The following C6orf118 variants were observed in gnomAD, a reference collection of about 807,000 sequenced individuals.
The protein encoded by C6orf118 is uncharacterized protein C6orf118.
In C6orf118, 50 loss-of-function variants were observed where a neutral mutation model predicts 50.2. The ratio of observed to expected loss-of-function variants is 1.00; its 90% CI spans 0.79 to 1.26. The LOEUF (loss-of-function observed/expected upper bound fraction) is 1.26, where lower values mean the gene tolerates loss of function less well. C6orf118 is among the 50% of genes most tolerant of loss of function. C6orf118 has a pLI of 0.00. For missense variants in C6orf118, 641 were observed against 578.7 expected, an observed-to-expected ratio of 1.11 and a Z score of -1.10; for synonymous variants, 239 against 230.9, an observed-to-expected ratio of 1.03 and a Z score of -0.32.
chr6:165,282,225 C>T (rs556581374), intron 7 of C6orf118, among the ~76,000 whole-genome samples: 4 of 152,208 alleles, frequency 2.6e-5, no homozygotes, highest in Non-Finnish European at 5.9e-5. Context: ...AAAGCTGTCA[C>T]TTTCTCCCAA....
At chr6:165,284,850 A>G (rs2128157126) in intron 7 of C6orf118, among the ~76,000 whole-genome samples, 1 of 152,290 alleles carries the variant, frequency 6.6e-6, no homozygotes, top group Non-Finnish European at 1.5e-5. Context: ...AGGAAAAACC[A>G]TTACCAGCCA....
At chr6:165,302,759 C>A (rs1451567428) in intron 1 of C6orf118, among the ~76,000 whole-genome samples, 4 of 152,112 alleles carry the variant, frequency 2.6e-5, no homozygotes, top group African/African-American at 9.7e-5. Flanking sequence ...CCTGACTAAA[C>A]CCCTCAATGA....
chr6:165,304,714 C>T (rs1780661823), intron 1 of C6orf118, among the ~76,000 whole-genome samples: 1 of 87,608 alleles, frequency 1.1e-5, no homozygotes, highest in African/African-American at 6.2e-5. Flanking sequence ...AGTGAACTCC[C>T]ATTCACAACT....
chr6:165,283,152 C>G (rs890414086), intron 7 of C6orf118, among the ~76,000 whole-genome samples: 3 of 152,056 alleles, frequency 2.0e-5, no homozygotes, highest in African/African-American at 7.2e-5. Flanking sequence ...TATCCAGGTT[C>G]TCTCACTGGG....
At position 165,302,185 on chromosome 6, in the gene C6orf118, T is replaced by A; in HGVS notation, c.137A>T (p.Asn46Ile). Reference sequence around the variant, plus strand: ...CTCCCGGTGGTCTTTCTGAAGCCGATTCAGAAGTTTCTTCAGATTACACAG... The same window carrying A: ...CTCCCGGTGGTCTTTCTGAAGCCGAATCAGAAGTTTCTTCAGATTACACAG... The part of the protein sequence containing the change: ...KTLCNLKKLL[N>I]RLQKDHREDV... The change falls in exon 2 of 9, where the codon AAT becomes ATT. Residue 46 changes from asparagine (N) to isoleucine (I), a missense_variant. Transcript: ENST00000230301. The A allele has an allele frequency of 6.2e-7, 1 of 1,612,690 alleles. No homozygotes were observed. The highest frequency in any genetic ancestry group is 8.5e-7 in the Non-Finnish European group (1 of 1,179,930).
At chr6:165,297,825 G>T in intron 5 of C6orf118, 152 bp downstream of exon 5, 1 of 1,153,928 alleles carries the variant, frequency 8.7e-7, no homozygotes, top group Non-Finnish European at 1.3e-6. Flanking sequence ...GTGATGGCCT[G>T]TAGAAATAGC....
chr6:165,287,513 T>A (rs1037118028), intron 7 of C6orf118, among the ~76,000 whole-genome samples: 1 of 152,224 alleles, frequency 6.6e-6, no homozygotes, highest in East Asian at 1.9e-4. Context: ...GGAGGCATCA[T>A]GCTGCCTGAC....
At chr6:165,293,989 G>A (rs1446329870) in intron 5 of C6orf118, among the ~76,000 whole-genome samples, 1 of 152,174 alleles carries the variant, frequency 6.6e-6, no homozygotes, top group East Asian at 1.9e-4. Context: ...GCTCATGCCT[G>A]TAATCTCAGC....
rs1780870118 is a variant in C6orf118, at chr6:165,309,602, A to G, written c.-16T>C. 2.5e-6 allele frequency: 4 copies of G among 1,613,844 alleles called. No individual in the cohort carries two copies. The South Asian group carries it at 4.4e-5, about 18-fold the overall frequency. ...CCTCCGCCATCGCTTCCTTCCCTCC[A>G]GCTGCCTGGGCTGGGCTGTCGCCGT... On this transcript the variant is annotated 5_prime_UTR_variant, in exon 1 of 9. Transcript: ENST00000230301.
Position 165,301,889 on chromosome 6 carries a change from C to A in C6orf118, c.433G>T (p.Asp145Tyr). ...QASLSHTSEE[D>Y]FLPVEAVREG... Reference sequence around the variant, plus strand: ...CTGACAGCCTCCACTGGAAGGAAATCCTCCTCTGAAGTGTGGGAAAGAGAG... The same window carrying A: ...CTGACAGCCTCCACTGGAAGGAAATACTCCTCTGAAGTGTGGGAAAGAGAG... The change falls in exon 2 of 9, where the codon GAT becomes TAT. Residue 145 changes from aspartate (D) to tyrosine (Y), a missense_variant. Coordinates refer to ENST00000230301, the MANE Select transcript of C6orf118 (RefSeq NM_144980.4). The A allele has an allele frequency of 6.2e-7, 1 of 1,613,866 alleles. No individual in the cohort carries two copies. Among genetic ancestry groups the A allele is most frequent in the South Asian group, 1.1e-5 (1 of 91,078 alleles).
intron 6 of C6orf118, 29 bp from the exon 7 acceptor site, chr6:165,290,096 A>G (rs1780057475): frequency 1.4e-6 from 2 of 1,393,618 alleles, no homozygotes; most frequent in African/African-American, 1.4e-5. Context: ...ACAAAGTATT[A>G]CCATGTTTAA....
chr6:165,293,062 A>T (rs570011103), intron 6 of C6orf118: 3 of 222,732 alleles, frequency 1.3e-5, no homozygotes, highest in Admixed American at 1.0e-4. Context: ...TATTTTTATC[A>T]TATAATTGCA....
At position 165,309,554 on chromosome 6, in the gene C6orf118, C is replaced by A; in HGVS notation, c.25+8G>T. ...ACAAGCCAGCAAGAGCCGCTCCAGG[C>A]CACTTACATTCAGGCTCCCGCTCCT... On this transcript the variant is annotated splice_region_variant and intron_variant, in intron 1 of 8. Coordinates refer to ENST00000230301, the MANE Select transcript of C6orf118 (RefSeq NM_144980.4). 1 of 1,614,188 alleles carries A rather than the reference C, an allele frequency of 6.2e-7. No homozygotes were observed. The highest frequency in any genetic ancestry group is 8.5e-7 in the Non-Finnish European group (1 of 1,180,018).
intron 5 of C6orf118, among the ~76,000 whole-genome samples, 182 bp downstream of exon 5, chr6:165,297,795 A>G (rs1032732967): frequency 6.6e-6 from 1 of 152,216 alleles, no homozygotes; most frequent in African/African-American, 2.4e-5. Flanking sequence ...CATACTTAGC[A>G]GAATGTCTTA....
chr6:165,303,119 C>G (rs1169434429), intron 1 of C6orf118, among the ~76,000 whole-genome samples: 2 of 152,286 alleles, frequency 1.3e-5, no homozygotes, highest in African/African-American at 4.8e-5. Flanking sequence ...GCAGCAGGCC[C>G]ATCCATACCC....
At chr6:165,283,267 G>A (rs1779792702) in intron 7 of C6orf118, among the ~76,000 whole-genome samples, 1 of 152,146 alleles carries the variant, frequency 6.6e-6, no homozygotes, top group African/African-American at 2.4e-5. Flanking sequence ...AGCCAAGGGA[G>A]GCAGTGAGTG....
chr6:165,305,768 T>C (rs1167025095), intron 1 of C6orf118, among the ~76,000 whole-genome samples: 1 of 118,964 alleles, frequency 8.4e-6, no homozygotes, highest in Admixed American at 8.0e-5. Flanking sequence ...TCAAAACCAC[T>C]ATGAGATATC....
Position 165,281,678 on chromosome 6 carries a change from A to T in C6orf118, c.1318T>A (p.Leu440Met). The T allele has an allele frequency of 6.7e-7, 1 of 1,496,674 alleles. No homozygotes were observed. Among genetic ancestry groups the T allele is most frequent in the Non-Finnish European group, 9.0e-7 (1 of 1,114,316 alleles). The allele number at this position is 1,496,674 out of a possible 1,614,324, so 92.7% of individuals were successfully genotyped here. A position where few individuals can be genotyped will look rare whatever the true frequency, so the allele number is the denominator to read the frequency against. Residue 440 changes from leucine to methionine, a missense_variant, in exon 8 of 9, where the codon TTG becomes ATG. Coordinates refer to ENST00000230301, the MANE Select transcript of C6orf118 (RefSeq NM_144980.4). ...IKSIEHEAIQ[L>M]ETENMILKKK... ...TTTAAAATCATATTTTCTGTTTCCA[A>T]TTGTATAGCTTCATGCTGGAAGAGA...
intron 7 of C6orf118, among the ~76,000 whole-genome samples, chr6:165,289,076 T>C (rs1465751101): frequency 6.6e-6 from 1 of 151,734 alleles, no homozygotes; most frequent in Non-Finnish European, 1.5e-5. Flanking sequence ...CCTCTATATT[T>C]AAATAATTTT....
Sources: allele counts gnomAD v4.1 joint callset (sites outside exome capture counted in the v4.1 genomes callset), GRCh38; gene constraint gnomAD v4.1.1; transcripts MANE v1.5; gene names NCBI Gene and HGNC (gene_info 2026-07-23, HGNC 2026-07-21).